The following PPP2R3A variants were observed in gnomAD, a reference collection of about 807,000 sequenced individuals.
PPP2R3A encodes protein phosphatase 2 regulatory subunit B''alpha, also known as serine/threonine-protein phosphatase 2A regulatory subunit B'' subunit alpha.
PPP2R3A carries 80 observed loss-of-function variants against 106.9 expected under a neutral mutation model. The ratio of observed to expected loss-of-function variants is 0.75; its 90% CI spans 0.62 to 0.90. The LOEUF (loss-of-function observed/expected upper bound fraction) is 0.90. PPP2R3A is among the 40% of genes least tolerant of loss of function. PPP2R3A has a pLI of 0.00. For missense variants in PPP2R3A, 1,386 were observed against 1,350.4 expected, an observed-to-expected ratio of 1.03 and a Z score of -0.41; for synonymous variants, 483 against 468.3, an observed-to-expected ratio of 1.03 and a Z score of -0.41.
At chr3:136,077,466 T>A (rs1936634319) in intron 6 of PPP2R3A, among the ~76,000 whole-genome samples, 1 of 152,144 alleles carries the variant, frequency 6.6e-6, no homozygotes, top group Non-Finnish European at 1.5e-5. Context: ...GATTTCTGTA[T>A]TATTAGACTA....
At chr3:135,997,819 C>A (rs1192669118) in intron 1 of PPP2R3A, among the ~76,000 whole-genome samples, 1 of 152,180 alleles carries the variant, frequency 6.6e-6, no homozygotes, top group Non-Finnish European at 1.5e-5. Context: ...TTTGTTATTA[C>A]TGTCACCTAC....
At chr3:136,125,961 T>C (rs953123138) in intron 13 of PPP2R3A, among the ~76,000 whole-genome samples, 5 of 152,058 alleles carry the variant, frequency 3.3e-5, no homozygotes, top group African/African-American at 1.2e-4. Context: ...TTGCTAAGCC[T>C]GATAAAGGAC....
At chr3:136,098,517 T>A (rs1937273512) in intron 10 of PPP2R3A, among the ~76,000 whole-genome samples, 1 of 152,216 alleles carries the variant, frequency 6.6e-6, no homozygotes, top group Non-Finnish European at 1.5e-5. Context: ...GTTCTTAATA[T>A]GGTTTCAGGC....
intron 13 of PPP2R3A, among the ~76,000 whole-genome samples, chr3:136,113,333 T>C (rs989653027): frequency 2.6e-5 from 4 of 152,036 alleles, no homozygotes; most frequent in African/African-American, 7.2e-5. Context: ...AACTCAAAAA[T>C]GAAGCACACC....
chr3:136,019,279 T>C (rs569907535), intron 2 of PPP2R3A, among the ~76,000 whole-genome samples: 5 of 152,354 alleles, frequency 3.3e-5, no homozygotes, highest in African/African-American at 4.8e-5. Flanking sequence ...GGAAAACTTT[T>C]ACAGTGGCTC....
Position 136,001,679 on chromosome 3 carries a change from T to C in PPP2R3A, c.181T>C (p.Ser61Pro), listed in dbSNP as rs1933627295. Residue 61 changes from serine (S) to proline (P), a missense_variant, in exon 2 of 14, where the codon TCT becomes CCT. Ser to Pro is a moderately conservative substitution (Grantham distance 74, BLOSUM62 -1). Transcript: ENST00000264977. ...VCADLLHIPV[S>P]QFKDADLNSM... is the part of the protein sequence containing the mutation. ...TGCAGACCTCTTGCACATCCCTGTG[T>C]CTCAGTTCAAAGATGCAGATCTGAA... The C allele has an allele frequency of 3.7e-6, 6 of 1,614,000 alleles. No individual in the cohort carries two copies. The highest frequency in any genetic ancestry group is 5.1e-6 in the Non-Finnish European group (6 of 1,180,026).
In PPP2R3A at chr3:136,019,886, A is replaced by G. The variant is rs556287039; in HGVS notation, c.1996-6946A>G. Among the ~76,000 whole-genome samples the G allele has an allele frequency of 2.0e-5, 3 of 152,294 alleles. No individual in the cohort carries two copies. In the East Asian group the frequency reaches 5.8e-4, roughly 29 times the overall value. On this transcript the variant is annotated intron_variant, in intron 2 of 13. Transcript: ENST00000264977. ...AAGAAATATTTTCTTGCTTAAGGGT[A>G]TAACAACAGGGCAGGCTTTTAACCA...
chr3:136,000,929 G>A, intron 1 of PPP2R3A, 130 bp from the exon 2 acceptor site: 1 of 379,702 alleles, frequency 2.6e-6, no homozygotes. Context: ...GGCATGAGTT[G>A]AATATCAGCT....
intron 4 of PPP2R3A, among the ~76,000 whole-genome samples, chr3:136,041,240 TTTTTTTTTTGTTTTTTTTTTTG>T (rs1935263574): frequency 7.8e-6 from 1 of 128,566 alleles, no homozygotes; most frequent in East Asian, 2.0e-4. Flanking sequence ...TTTTTCTTGT[TTTTTTTTTTGTTTTTTTTTTTG>T]TTTTTTTTTT....
At chr3:136,082,122 T>C (rs1936797031) in intron 7 of PPP2R3A, 143 bp from the exon 8 acceptor site, 1 of 612,112 alleles carries the variant, frequency 1.6e-6, no homozygotes, top group South Asian at 2.1e-5. Context: ...AAAGGTAGGA[T>C]GAGGTTGCCT....
chr3:136,050,127 A>C (rs1935632346), intron 5 of PPP2R3A, among the ~76,000 whole-genome samples: 1 of 152,244 alleles, frequency 6.6e-6, no homozygotes, highest in African/African-American at 2.4e-5. Flanking sequence ...TTAGTAGCAT[A>C]GACTCTATAT....
chr3:136,100,402 C>T (rs929094084), intron 10 of PPP2R3A, among the ~76,000 whole-genome samples: 11 of 151,798 alleles, frequency 7.2e-5, no homozygotes, highest in African/African-American at 2.7e-4. Context: ...AGGCTAGGCG[C>T]CGTGGCTCAC....
At chr3:136,112,044 A>G (rs1435661194) in intron 13 of PPP2R3A, among the ~76,000 whole-genome samples, 1 of 152,182 alleles carries the variant, frequency 6.6e-6, no homozygotes, top group African/African-American at 2.4e-5. Flanking sequence ...AACAAAAACC[A>G]CATGGTCATC....
intron 13 of PPP2R3A, among the ~76,000 whole-genome samples, chr3:136,129,062 A>G (rs1186968199): frequency 6.6e-6 from 1 of 152,242 alleles, no homozygotes. Context: ...CACAAGAGAA[A>G]GCAGGAAAGA....
At chr3:136,073,386 C>G (rs1202600368) in intron 6 of PPP2R3A, among the ~76,000 whole-genome samples, 1 of 152,220 alleles carries the variant, frequency 6.6e-6, no homozygotes, top group Non-Finnish European at 1.5e-5. Context: ...ATGAACTACA[C>G]TGGCGAATTA....
intron 2 of PPP2R3A, among the ~76,000 whole-genome samples, chr3:136,012,742 A>ACCTATTTACCTTTC (rs1408591100): frequency 5.9e-5 from 9 of 152,230 alleles, no homozygotes; most frequent in Admixed American, 2.0e-4. Context: ...ATTTACAGGG[A>ACCTATTTACCTTTC]TATTTTAAAG....
intron 1 of PPP2R3A, among the ~76,000 whole-genome samples, chr3:135,989,886 C>T (rs1933081625): frequency 6.6e-6 from 1 of 152,022 alleles, no homozygotes; most frequent in Non-Finnish European, 1.5e-5. Flanking sequence ...AAGTTATATG[C>T]ACAAAAATCT....
At chr3:136,052,321 G>A (rs1286217600) in intron 5 of PPP2R3A, among the ~76,000 whole-genome samples, 1 of 152,114 alleles carries the variant, frequency 6.6e-6, no homozygotes, top group East Asian at 1.9e-4. Context: ...GGAAAGAAAA[G>A]CTGGCATTTC....
intron 1 of PPP2R3A, among the ~76,000 whole-genome samples, chr3:135,978,896 T>C (rs1295950540): frequency 6.6e-6 from 1 of 151,874 alleles, no homozygotes; most frequent in Non-Finnish European, 1.5e-5. Flanking sequence ...CTACTCTGAA[T>C]GGAAGTTAAA....
Sources: gnomAD v4.1 joint callset for allele counts (sites outside exome capture counted in the v4.1 genomes callset) on GRCh38, gnomAD v4.1.1 for gene constraint, MANE v1.5 for transcripts, NCBI Gene and HGNC (gene_info 2026-07-23, HGNC 2026-07-21) for gene names.